COL4A2: variants seen among roughly 807,000 people sequenced by gnomAD.
COL4A2 encodes collagen type IV alpha 2 chain, also known as collagen alpha-2(IV) chain.
In COL4A2, 99 loss-of-function variants were observed where a neutral mutation model predicts 200.2. That is an observed-to-expected ratio of 0.49 (90% CI 0.42 to 0.58). COL4A2 has a LOEUF of 0.58. Ranked by LOEUF, COL4A2 falls within the 20% of genes least tolerant of loss-of-function variation. The probability of loss-of-function intolerance (pLI) is 0.00; values close to 1 mark genes in which losing one functional copy is unlikely to be tolerated. For synonymous variants in COL4A2, 897 were observed against 900.6 expected (o/e 1.00, Z 0.07); for missense variants, 1,950 against 2,314.1 (o/e 0.84, Z 3.23).
At position 110,450,452 on chromosome 13, in the gene COL4A2, A is replaced by C; in HGVS notation, c.1337A>C (p.Asp446Ala). The change falls in exon 20 of 48, where the codon GAT (aspartate) becomes GCT (alanine). Residue 446 changes from aspartate to alanine, a missense_variant and splice_region_variant. Physicochemically the swap from Asp to Ala is moderately radical, Grantham distance 126. Transcript: ENST00000360467. Reference sequence around the variant, plus strand: ...GGGCTCCCTGGACCACCTGGACCTGATGGTGAGTGGAGGGAAACAAAAGGG... The same window carrying C: ...GGGCTCCCTGGACCACCTGGACCTGCTGGTGAGTGGAGGGAAACAAAAGGG... ...PPGLPGPPGP[D>A]GFLFGLKGAK... is the part of the protein sequence containing the mutation. 6.2e-7 allele frequency: 1 copy of C among 1,613,738 alleles called. No homozygotes were observed. Among genetic ancestry groups the C allele is most frequent in the Non-Finnish European group, 8.5e-7 (1 of 1,179,906 alleles).
Position 110,427,787 on chromosome 13 carries a change from C to G in COL4A2, c.361-680C>G, listed in dbSNP as rs372814916. On this transcript the variant is annotated intron_variant, in intron 6 of 47. Transcript: ENST00000360467. ...CTTGGCTGTGTTGCCTTTCCCCACC[C>G]CCAGACATTTCAGAAAACCTGACTT... is the stretch of plus-strand genomic sequence containing the variant. 1.5e-4 allele frequency among the ~76,000 whole-genome samples: 23 copies of G among 152,286 alleles called. No individual in the cohort carries two copies. The East Asian group carries it at 4.2e-3, about 28-fold the overall frequency.
chr13:110,391,523 C>A (rs142641326), intron 4 of COL4A2, among the ~76,000 whole-genome samples: 1 of 152,280 alleles, frequency 6.6e-6, no homozygotes, highest in East Asian at 1.9e-4. Context: ...TTGTCTGAGT[C>A]ATTAAGAATG....
At chr13:110,449,367 TG>T (rs1881444337) in intron 18 of COL4A2, among the ~76,000 whole-genome samples, 2 of 151,850 alleles carry the variant, frequency 1.3e-5, no homozygotes, top group Admixed American at 6.6e-5. Flanking sequence ...AGGGGCAGAG[TG>T]GGGTGCAGGG....
chr13:110,483,636 T>A (rs1188167344), intron 32 of COL4A2, among the ~76,000 whole-genome samples: 1 of 149,440 alleles, frequency 6.7e-6, no homozygotes, highest in Non-Finnish European at 1.5e-5. Flanking sequence ...TCTGACTGCA[T>A]GTATATGAGA....
chr13:110,480,532 C>G (rs1209599000), intron 31 of COL4A2, 142 bp downstream of exon 31: 2 of 866,762 alleles, frequency 2.3e-6, no homozygotes, highest in Admixed American at 6.3e-5. Flanking sequence ...TTGGGACTCT[C>G]CTGACCTAGG....
chr13:110,394,009 A>T lies in COL4A2; in HGVS notation c.181-30725A>T, dbSNP rs111779547. 1.3e-3 allele frequency among the ~76,000 whole-genome samples: 205 copies of T among 152,320 alleles called. 1 individual carries two copies. Among genetic ancestry groups the T allele is most frequent in the African/African-American group, 4.7e-3 (196 of 41,572 alleles). The stretch of plus-strand genomic sequence containing the variant: ...TGTTGGCCATACCCCCTGCCACTAT[A>T]TGATGACTTTCTCCACCATATCTGT... On this transcript the variant is annotated intron_variant, in intron 4 of 47. Transcript: ENST00000360467.
At chr13:110,503,340 C>A (rs1435150727) in intron 42 of COL4A2, 43 bp from the exon 43 acceptor site, 1 of 1,587,708 alleles carries the variant, frequency 6.3e-7, no homozygotes, top group African/African-American at 1.4e-5. Context: ...GGAGCCCCCT[C>A]CCCACAGACT....
intron 41 of COL4A2, chr13:110,502,795 T>C (rs1190571269): frequency 2.3e-5 from 6 of 261,718 alleles, no homozygotes; most frequent in Non-Finnish European, 4.3e-5. Flanking sequence ...GTACAATGGC[T>C]GTTGCTGAGG....
chr13:110,474,353 A>G (rs956203485), intron 29 of COL4A2, among the ~76,000 whole-genome samples: 7 of 152,190 alleles, frequency 4.6e-5, no homozygotes, highest in Admixed American at 3.3e-4. Context: ...GAACCCATGA[A>G]GCTCAGGAGC....
chr13:110,484,412 G>A (rs1384483953), intron 32 of COL4A2, among the ~76,000 whole-genome samples: 1 of 152,030 alleles, frequency 6.6e-6, no homozygotes, highest in Non-Finnish European at 1.5e-5. Flanking sequence ...GCAGCTCTGG[G>A]CCCCTCCCCT....
chr13:110,365,930 A>G (rs556409025), intron 4 of COL4A2, among the ~76,000 whole-genome samples: 17 of 152,372 alleles, frequency 1.1e-4, no homozygotes, highest in African/African-American at 4.1e-4. Flanking sequence ...TCAGATAATA[A>G]TAGCCATTTC....
chr13:110,332,511 A>G (rs1220933791), intron 3 of COL4A2, among the ~76,000 whole-genome samples: 1 of 152,314 alleles, frequency 6.6e-6, no homozygotes, highest in East Asian at 1.9e-4. Flanking sequence ...GCTCCCACAC[A>G]CAGCACCTTC....
intron 4 of COL4A2, among the ~76,000 whole-genome samples, chr13:110,419,461 T>G (rs1880161930): frequency 6.6e-6 from 1 of 152,230 alleles, no homozygotes; most frequent in Admixed American, 6.5e-5. Flanking sequence ...GGTTGTGTGA[T>G]GTGGGGCCCT....
intron 10 of COL4A2, chr13:110,430,886 T>G: frequency 1.6e-6 from 1 of 633,698 alleles, no homozygotes; most frequent in East Asian, 3.4e-5. Context: ...CCCCACCCCA[T>G]ACCTACCCAG....
chr13:110,485,028 G>A lies in COL4A2; in HGVS notation c.3025+1G>A. ...CTGAAAGGATACCTGGGCGCAAAAGGTGAGGCTTCTGACCTGCAGCCAGGG... is the reference window on the plus strand; with the variant it reads ...CTGAAAGGATACCTGGGCGCAAAAGATGAGGCTTCTGACCTGCAGCCAGGG... On this transcript the variant is annotated splice_donor_variant, in intron 33 of 47. Coordinates refer to ENST00000360467, the MANE Select transcript of COL4A2 (RefSeq NM_001846.4). LOFTEE classifies it high-confidence loss of function. The A allele has an allele frequency of 6.3e-7, 1 of 1,594,630 alleles. No homozygotes were observed. The highest frequency in any genetic ancestry group is 8.6e-7 in the Non-Finnish European group (1 of 1,166,732).
intron 3 of COL4A2, among the ~76,000 whole-genome samples, chr13:110,345,400 A>G (rs1430227577): frequency 6.6e-6 from 1 of 152,164 alleles, no homozygotes; most frequent in Non-Finnish European, 1.5e-5. Context: ...GCAGAACCCC[A>G]GTCGGCGGGT....
intron 18 of COL4A2, 71 bp downstream of exon 18, chr13:110,446,935 A>G (rs1321452742): frequency 4.6e-6 from 6 of 1,300,486 alleles, no homozygotes; most frequent in African/African-American, 1.5e-5. Flanking sequence ...ACACAGAGCT[A>G]TGAACTTTCA....
intron 45 of COL4A2, among the ~76,000 whole-genome samples, chr13:110,504,908 G>C (rs776553149): frequency 6.6e-6 from 1 of 151,400 alleles, no homozygotes; most frequent in Non-Finnish European, 1.5e-5. Context: ...GTGCCTGGTC[G>C]TCTTATTTTT....
At chr13:110,330,968 G>A (rs1351778706) in intron 3 of COL4A2, among the ~76,000 whole-genome samples, 1 of 152,018 alleles carries the variant, frequency 6.6e-6, no homozygotes, top group Non-Finnish European at 1.5e-5. Flanking sequence ...ACCCGATCTC[G>A]CCGTGCCATC....
Sources: allele counts gnomAD v4.1 joint callset (sites outside exome capture counted in the v4.1 genomes callset), GRCh38; gene constraint gnomAD v4.1.1; transcripts MANE v1.5; gene names NCBI Gene and HGNC (gene_info 2026-07-23, HGNC 2026-07-21).